The following GRIP1 variants were observed in gnomAD, a reference collection of about 807,000 sequenced individuals.
GRIP1 encodes glutamate receptor interacting protein 1.
A neutral mutation model predicts 129.9 loss-of-function variants in GRIP1; 45 were observed. The ratio of observed to expected loss-of-function variants is 0.35; its 90% confidence interval spans 0.27 to 0.44. GRIP1 has a LOEUF of 0.44. Among genes scored for constraint, GRIP1 ranks in the 20% least tolerant of loss-of-function variants. The probability of loss-of-function intolerance (pLI) is 1.00; values close to 1 mark genes in which losing one functional copy is unlikely to be tolerated. For missense variants in GRIP1, 1,196 were observed against 1,396.8 expected, an observed-to-expected ratio of 0.86 and a Z score of 2.29; for synonymous variants, 530 against 520.8, an observed-to-expected ratio of 1.02 and a Z score of -0.24.
chr12:66,715,471 TGAGAGAGAGA>T lies in GRIP1; in HGVS notation c.-419-85145_-419-85136del, dbSNP rs71447469. On this transcript the variant is annotated intron_variant, in intron 1 of 4. Coordinates refer to the GRIP1 transcript ENST00000538373. ...AGCTTGATGTGTGTGTGTGTGTGTG[TGAGAGAGAGA>T]GAGAGAGAGAGAGAGAGAGAGAGAG... is the stretch of plus-strand genomic sequence containing the variant. 2.1e-3 allele frequency among the ~76,000 whole-genome samples: 226 copies of T among 110,144 alleles called. 1 individual carries two copies. The highest frequency in any genetic ancestry group is 7.2e-3 in the African/African-American group (213 of 29,582). The allele number at this position is 110,144 out of a possible 152,430, so 72.3% of individuals were successfully genotyped here.
intron 1 of GRIP1, among the ~76,000 whole-genome samples, chr12:66,714,761 T>G (rs1022167629): frequency 6.6e-6 from 1 of 151,968 alleles, no homozygotes; most frequent in Non-Finnish European, 1.5e-5. Flanking sequence ...ATTTGGTGAA[T>G]TCTGTTCAAA....
chr12:66,449,066 C>G (rs920484431), intron 11 of GRIP1, among the ~76,000 whole-genome samples: 16 of 152,138 alleles, frequency 1.1e-4, no homozygotes, highest in South Asian at 4.1e-4. Flanking sequence ...TGCTCTGGGT[C>G]CTTTTCTCTG....
chr12:66,523,868 G>C (rs1327872742), intron 5 of GRIP1, among the ~76,000 whole-genome samples: 2 of 152,052 alleles, frequency 1.3e-5, no homozygotes, highest in Non-Finnish European at 2.9e-5. Context: ...AAAAAGGCAG[G>C]GGTTGCAATC....
At chr12:66,789,753 T>C (rs921958045) in intron 1 of GRIP1, among the ~76,000 whole-genome samples, 3 of 152,142 alleles carry the variant, frequency 2.0e-5, no homozygotes, top group Non-Finnish European at 2.9e-5. Context: ...TATAAAACTC[T>C]CATACTTTCA....
chr12:66,624,424 A>T (rs1361420472), intron 1 of GRIP1, among the ~76,000 whole-genome samples: 1 of 152,196 alleles, frequency 6.6e-6, no homozygotes, highest in Non-Finnish European at 1.5e-5. Flanking sequence ...AATTAGAAGT[A>T]AAGTAACATT....
chr12:66,779,482 T>C (rs1240703699), intron 1 of GRIP1, among the ~76,000 whole-genome samples: 5 of 152,238 alleles, frequency 3.3e-5, no homozygotes, highest in Admixed American at 3.3e-4. Context: ...GAAGACCTTC[T>C]GGGCATATTC....
At chr12:66,682,210 G>A (rs1421023257), upstream of GRIP1, among the ~76,000 whole-genome samples, 8 of 152,052 alleles carry the variant, frequency 5.3e-5, no homozygotes, top group Admixed American at 3.3e-4. Flanking sequence ...TTTGACAGAG[G>A]GAAAAACTAG....
chr12:67,063,509 G>A (rs146906400), intron 1 of GRIP1, among the ~76,000 whole-genome samples: 67 of 152,242 alleles, frequency 4.4e-4, no homozygotes, highest in African/African-American at 1.5e-3. Flanking sequence ...AATTTCAGAA[G>A]AAATGAACTT....
intron 1 of GRIP1, among the ~76,000 whole-genome samples, chr12:66,953,162 A>C: frequency 6.6e-6 from 1 of 152,238 alleles, no homozygotes; most frequent in East Asian, 1.9e-4. Flanking sequence ...TCATGTATTC[A>C]AGGATTCATT....
At chr12:66,717,516 A>G (rs993542901) in intron 1 of GRIP1, among the ~76,000 whole-genome samples, 2 of 152,164 alleles carry the variant, frequency 1.3e-5, no homozygotes, top group African/African-American at 4.8e-5. Context: ...CGTGCCAGAA[A>G]ACTCAGTGGT....
intron 1 of GRIP1, among the ~76,000 whole-genome samples, chr12:66,709,313 G>A (rs2035637172): frequency 6.6e-6 from 1 of 151,918 alleles, no homozygotes; most frequent in South Asian, 2.1e-4. Flanking sequence ...TATGAAAAGG[G>A]AACACTCATG....
upstream of GRIP1, among the ~76,000 whole-genome samples, chr12:66,680,367 C>T (rs2034537379): frequency 6.6e-6 from 1 of 152,036 alleles, no homozygotes; most frequent in African/African-American, 2.4e-5. Context: ...TATTTTGAGT[C>T]CAATAGAAAA....
chr12:66,431,510 A>T (rs2058147013), intron 14 of GRIP1, among the ~76,000 whole-genome samples: 1 of 152,196 alleles, frequency 6.6e-6, no homozygotes. Flanking sequence ...TGTATCGTCC[A>T]TGTTGAATCA....
chr12:66,919,664 CT>C (rs1013437623), intron 1 of GRIP1, among the ~76,000 whole-genome samples: 1 of 150,710 alleles, frequency 6.6e-6, no homozygotes, highest in Non-Finnish European at 1.5e-5. Context: ...TGGGGCTTGA[CT>C]TTTTTCCCCC....
chr12:66,720,277 A>G (rs943717638), intron 1 of GRIP1, among the ~76,000 whole-genome samples: 2 of 152,220 alleles, frequency 1.3e-5, no homozygotes, highest in African/African-American at 4.8e-5. Context: ...ACATACCCTA[A>G]TTAAAAAATA....
At chr12:66,523,898 A>C (rs1181679437) in intron 5 of GRIP1, among the ~76,000 whole-genome samples, 1 of 152,230 alleles carries the variant, frequency 6.6e-6, no homozygotes, top group East Asian at 1.9e-4. Context: ...GATTAAACAG[A>C]CTTTAAACCA....
intron 7 of GRIP1, among the ~76,000 whole-genome samples, chr12:66,505,008 C>G (rs894737259): frequency 1.3e-5 from 2 of 152,132 alleles, no homozygotes; most frequent in African/African-American, 2.4e-5. Context: ...CCATGACAGG[C>G]AGAATTTCTG....
intron 1 of GRIP1, among the ~76,000 whole-genome samples, chr12:66,623,056 A>T (rs890926825): frequency 6.6e-6 from 1 of 152,166 alleles, no homozygotes; most frequent in Non-Finnish European, 1.5e-5. Flanking sequence ...TATCTAGAAT[A>T]CTTCCTGATG....
intron 7 of GRIP1, among the ~76,000 whole-genome samples, chr12:66,507,775 C>CTTTCTTTA (rs1249052066): frequency 6.7e-6 from 1 of 150,042 alleles, no homozygotes; most frequent in East Asian, 2.1e-4. Context: ...TTCTTTCTTT[C>CTTTCTTTA]TTTCTTTTTT....
Sources: gnomAD v4.1 joint callset for allele counts (sites outside exome capture counted in the v4.1 genomes callset) on GRCh38, gnomAD v4.1.1 for gene constraint, MANE v1.5 for transcripts, NCBI Gene and HGNC (gene_info 2026-07-23, HGNC 2026-07-21) for gene names.